Variants in MRPL49 observed in about 807,000 individuals in gnomAD.
The protein encoded by MRPL49 is large ribosomal subunit protein mL49.
In MRPL49, 14 loss-of-function variants were observed where a neutral mutation model predicts 18.4. The ratio of observed to expected loss-of-function variants is 0.76; its 90% CI spans 0.50 to 1.19. MRPL49 has a LOEUF of 1.19. Among genes scored for constraint, MRPL49 ranks in the 50% most tolerant of loss-of-function variants. The pLI is 0.00. For missense variants in MRPL49, 190 were observed against 217.8 expected (o/e 0.87, Z 0.80); for synonymous variants, 104 against 86.2 (o/e 1.21, Z -1.14).
At position 65,125,133 on chromosome 11, in the gene MRPL49, TG is replaced by T. The variant is rs1948087534; in HGVS notation, c.230-354del. On this transcript the variant is annotated intron_variant, in intron 2 of 3. Coordinates refer to ENST00000279242, the MANE Select transcript of MRPL49 (RefSeq NM_004927.4). ...CAGCATATGGTAGGTGCTCAGTGCT[TG>T]CAAATCCCAATCTCTTTGTTCCAGA... 9 of 351,104 alleles carry T rather than the reference TG, an allele frequency of 2.6e-5. No individual in the cohort carries two copies. In the East Asian group the frequency reaches 6.5e-4, roughly 25 times the overall value. 21.7% of individuals were successfully genotyped at this position (351,104 alleles called of 1,614,324 possible).
Position 65,125,813 on chromosome 11 carries a change from C to G in MRPL49, c.442C>G (p.Arg148Gly), listed in dbSNP as rs753409417. Residue 148 changes from arginine to glycine, a missense_variant, in exon 4 of 4, where the codon CGG (arginine) becomes GGG (glycine). Arg to Gly is a moderately radical substitution (Grantham distance 125). Coordinates refer to ENST00000279242, the MANE Select transcript of MRPL49 (RefSeq NM_004927.4). The stretch of plus-strand genomic sequence containing the variant: ...GGTCAATGAGGTGACAGGTACCCTA[C>G]GGATCAAGGGCTACTTTGACCAGGA... ...TQVNEVTGTL[R>G]IKGYFDQELK... is the part of the protein sequence containing the mutation. 1.2e-6 allele frequency: 2 copies of G among 1,612,488 alleles called. No individual in the cohort carries two copies. Among genetic ancestry groups the G allele is most frequent in the Admixed American group, 3.3e-5 (2 of 59,994 alleles).
Position 65,126,078 on chromosome 11 carries a change from T to TG in MRPL49, c.*206_*207insG. On this transcript the variant is annotated 3_prime_UTR_variant, in exon 4 of 4. Transcript: ENST00000279242. ...AGAGTGCCTAATGTGGGAGACCAAA[T>TG]AGGGATCACCAGGCTAATGGGGGGC... The TG allele has an allele frequency of 1.9e-6, 1 of 517,626 alleles. No individual in the cohort carries two copies. Among genetic ancestry groups the TG allele is most frequent in the Middle Eastern group, 5.0e-4 (1 of 1,996 alleles). 32.1% of individuals were successfully genotyped at this position (517,626 alleles called of 1,614,324 possible). A position where few individuals can be genotyped will look rare whatever the true frequency, so the allele number is the denominator to read the frequency against.
At chr11:65,122,716 A>C (rs1442377108) in intron 1 of MRPL49, among the ~76,000 whole-genome samples, 1 of 140,158 alleles carries the variant, frequency 7.1e-6, no homozygotes, top group African/African-American at 2.7e-5. Flanking sequence ...TGATTGCCTT[A>C]ATTCTTTTTT....
rs1948110828 is a variant in MRPL49, at chr11:65,127,100, C to G, written c.*1228C>G. On this transcript the variant is annotated 3_prime_UTR_variant, in exon 4 of 4. Coordinates refer to ENST00000279242, the MANE Select transcript of MRPL49 (RefSeq NM_004927.4). ...CAGGGCACTGAACTCTGGGCTGCTT[C>G]TCTGTGTGTAAAATGGGCACATCTT... is the stretch of plus-strand genomic sequence containing the variant. 4.3e-6 allele frequency: 3 copies of G among 697,370 alleles called. No homozygotes were observed. Among genetic ancestry groups the G allele is most frequent in the Non-Finnish European group, 7.8e-6 (3 of 383,068 alleles). The allele number at this position is 697,370 out of a possible 1,614,324, so 43.2% of individuals were successfully genotyped here.
chr11:65,122,479 T>C, intron 1 of MRPL49, 55 bp downstream of exon 1: 1 of 1,525,872 alleles, frequency 6.6e-7, no homozygotes, highest in Non-Finnish European at 8.9e-7. Context: ...GGCTCAGTGT[T>C]AATCATTGTT....
upstream of MRPL49, chr11:65,122,319 G>C: frequency 6.2e-7 from 1 of 1,607,286 alleles, no homozygotes; most frequent in South Asian, 1.1e-5. Flanking sequence ...ACAGTTGCGC[G>C]CACAGAAGGC....
rs1053148898 is a variant in MRPL49, at chr11:65,122,360, T to C, written c.14T>C (p.Met5Thr). The C allele has an allele frequency of 1.9e-6, 3 of 1,612,962 alleles. No homozygotes were observed. Among genetic ancestry groups the C allele is most frequent in the South Asian group, 1.1e-5 (1 of 90,956 alleles). Residue 5 changes from methionine (M) to threonine (T), a missense_variant, in exon 1 of 4, where the codon ATG becomes ACG. Physicochemically the swap from Met to Thr is moderately conservative, Grantham distance 81. Transcript: ENST00000279242. The stretch of plus-strand genomic sequence containing the variant: ...TAGCAGGTAAAGATGGCAGCTACCA[T>C]GTTCCGGGCTACGCTGCGGGGATGG... MAAT[M>T]FRATLRGWRT...
chr11:65,126,388 G>C lies in MRPL49; in HGVS notation c.*516G>C, dbSNP rs1948102403. ...GACTCGAAGTGATCCGCCCACCTTG[G>C]CCTCCCAAAGCGTTGGGATTATAGG... is the stretch of plus-strand genomic sequence containing the variant. On this transcript the variant is annotated 3_prime_UTR_variant, in exon 4 of 4. Coordinates refer to ENST00000279242, the MANE Select transcript of MRPL49 (RefSeq NM_004927.4). The C allele has an allele frequency of 6.5e-6, 1 of 153,588 alleles. No homozygotes were observed. The highest frequency in any genetic ancestry group is 1.4e-5 in the Non-Finnish European group (1 of 69,032). 9.5% of individuals were successfully genotyped at this position (153,588 alleles called of 1,614,324 possible).
upstream of MRPL49, chr11:65,122,312 G>C (rs1037473312): frequency 6.2e-7 from 1 of 1,606,024 alleles, no homozygotes; most frequent in Admixed American, 1.7e-5. Context: ...GGACCAGACA[G>C]TTGCGCGCAC....
rs538832567 is a variant in MRPL49 at position 65,124,000 on chromosome 11, G to C, written c.79-502G>C. Among the ~76,000 whole-genome samples the C allele has an allele frequency of 6.2e-4, 95 of 152,114 alleles. 1 individual carries two copies. The highest frequency in any genetic ancestry group is 5.9e-5 in the Non-Finnish European group (4 of 67,996). The stretch of plus-strand genomic sequence containing the variant: ...CCTCCTGGGTTCAAGCAATTCTCCT[G>C]CCTCAGCCTCCCAAGTAGCTGGGAT... On this transcript the variant is annotated intron_variant, in intron 1 of 3. Transcript: ENST00000279242.
intron 1 of MRPL49, 160 bp downstream of exon 1, chr11:65,122,584 GA>G: frequency 1.5e-6 from 1 of 650,440 alleles, no homozygotes; most frequent in Non-Finnish European, 2.6e-6. Flanking sequence ...AATCGAGAGG[GA>G]AAATGGTAGA....
intron 2 of MRPL49, chr11:65,125,007 T>G: frequency 3.6e-6 from 1 of 277,798 alleles, no homozygotes. Context: ...TGGCTTTATT[T>G]ACTGTTGATG....
upstream of MRPL49, chr11:65,122,240 C>T (rs1322061063): frequency 1.6e-6 from 2 of 1,245,056 alleles, no homozygotes; most frequent in East Asian, 2.5e-5. Context: ...AGTCCTAGCT[C>T]CGCCCCTTTA....
chr11:65,126,810 C>T lies in MRPL49; in HGVS notation c.*938C>T, dbSNP rs1202846474. The T allele has an allele frequency of 1.8e-6, 1 of 564,386 alleles. No homozygotes were observed. The highest frequency in any genetic ancestry group is 3.4e-5 in the Admixed American group (1 of 29,440). The allele number at this position is 564,386 out of a possible 1,614,324, so 35.0% of individuals were successfully genotyped here. A position where few individuals can be genotyped will look rare whatever the true frequency, so the allele number is the denominator to read the frequency against. The stretch of plus-strand genomic sequence containing the variant: ...CAGACCAGACTTGCTGGCCTGACCA[C>T]AAGGGAGTGGCTGGGAACTCACAGC... On this transcript the variant is annotated 3_prime_UTR_variant, in exon 4 of 4. Transcript: ENST00000279242.
At chr11:65,123,784 T>G (rs893696376) in intron 1 of MRPL49, among the ~76,000 whole-genome samples, 17 of 152,268 alleles carry the variant, frequency 1.1e-4, no homozygotes, top group African/African-American at 4.1e-4. Flanking sequence ...ATTACATAAT[T>G]GTTTTGAGAC....
At chr11:65,123,655 A>G (rs1264434942) in intron 1 of MRPL49, among the ~76,000 whole-genome samples, 1 of 152,008 alleles carries the variant, frequency 6.6e-6, no homozygotes, top group African/African-American at 2.4e-5. Context: ...ACTTGCTTGA[A>G]CTTGGGAGGC....
At chr11:65,124,442 A>C in intron 1 of MRPL49, 60 bp from the exon 2 acceptor site, 2 of 1,517,036 alleles carry the variant, frequency 1.3e-6, no homozygotes, top group African/African-American at 2.8e-5. Flanking sequence ...TACTTACTGA[A>C]GTTATGCCAT....
chr11:65,125,964 A>G lies in MRPL49; in HGVS notation c.*92A>G. 1 of 1,442,028 alleles carries G rather than the reference A, an allele frequency of 6.9e-7. No homozygotes were observed. The allele number at this position is 1,442,028 out of a possible 1,614,324, so 89.3% of individuals were successfully genotyped here. The stretch of plus-strand genomic sequence containing the variant: ...GGAGGTGGGTGTTGGAGCCCCTGAG[A>G]CAGGGGATACAGAAACTAGGGCTAA... On this transcript the variant is annotated 3_prime_UTR_variant, in exon 4 of 4. Transcript: ENST00000279242.
At chr11:65,123,761 A>G (rs1316936179) in intron 1 of MRPL49, among the ~76,000 whole-genome samples, 2 of 152,148 alleles carry the variant, frequency 1.3e-5, no homozygotes, top group African/African-American at 4.8e-5. Flanking sequence ...AATAAAGGAA[A>G]GGAAAAATGA....
Sources: allele counts gnomAD v4.1 joint callset (sites outside exome capture counted in the v4.1 genomes callset), GRCh38; gene constraint gnomAD v4.1.1; transcripts MANE v1.5; gene names NCBI Gene and HGNC (gene_info 2026-07-23, HGNC 2026-07-21).